BID: variants seen among roughly 807,000 people sequenced by gnomAD.
The protein encoded by BID is BH3-interacting domain death agonist.
A neutral mutation model predicts 17.4 loss-of-function variants in BID; 19 were observed. That is an observed-to-expected ratio of 1.09 (90% confidence interval 0.76 to 1.60). The LOEUF (loss-of-function observed/expected upper bound fraction) is 1.60, where lower values mean the gene tolerates loss of function less well. Ranked by LOEUF, BID falls within the 40% of genes most tolerant of loss-of-function variation. The probability of loss-of-function intolerance (pLI) is 0.00; values close to 1 mark genes in which losing one functional copy is unlikely to be tolerated. For missense variants in BID, 226 were observed against 256.0 expected (o/e 0.88, Z 0.80); for synonymous variants, 108 against 102.8 (o/e 1.05, Z -0.31).
At chr22:17,746,631 A>G (rs1440199459) in intron 2 of BID, among the ~76,000 whole-genome samples, 1 of 152,218 alleles carries the variant, frequency 6.6e-6, no homozygotes, top group Non-Finnish European at 1.5e-5. Flanking sequence ...ATTTGAAAAT[A>G]AGGTTTTTAC....
At chr22:17,740,251 A>G in intron 3 of BID, 1 of 1,324,870 alleles carries the variant, frequency 7.5e-7, no homozygotes, top group Non-Finnish European at 1.1e-6. Context: ...CCCAGCACTT[A>G]ATACATGGCA....
At chr22:17,772,363 C>T (rs1017453313) in intron 1 of BID, among the ~76,000 whole-genome samples, 9 of 152,198 alleles carry the variant, frequency 5.9e-5, no homozygotes, top group African/African-American at 1.9e-4. Context: ...CAGCTGCTCT[C>T]GGGGACACTC....
chr22:17,767,778 C>T (rs1483652007), intron 1 of BID, among the ~76,000 whole-genome samples: 1 of 152,078 alleles, frequency 6.6e-6, no homozygotes, highest in Non-Finnish European at 1.5e-5. Context: ...AAACAGCGTC[C>T]GCGAAGTGAA....
At chr22:17,739,934 G>A (rs567189281) in intron 3 of BID, 28 of 807,400 alleles carry the variant, frequency 3.5e-5, no homozygotes, top group Middle Eastern at 3.6e-4. Context: ...CCCATTCCTC[G>A]CAGTCCCGTC....
intron 1 of BID, among the ~76,000 whole-genome samples, chr22:17,755,333 C>T (rs770785807): frequency 1.6e-4 from 24 of 152,130 alleles, no homozygotes; most frequent in Non-Finnish European, 3.2e-4. Flanking sequence ...AAGGAAAGCT[C>T]CAACCCGGAA....
chr22:17,737,029 ACTC>A (rs1447213486), intron 5 of BID, among the ~76,000 whole-genome samples: 1 of 151,042 alleles, frequency 6.6e-6, no homozygotes, highest in East Asian at 1.9e-4. Context: ...CTGGTCTTGA[ACTC>A]CTGACTTCAT....
At chr22:17,743,042 G>A (rs2061472011) in intron 3 of BID, among the ~76,000 whole-genome samples, 1 of 152,260 alleles carries the variant, frequency 6.6e-6, no homozygotes, top group South Asian at 2.1e-4. Context: ...AAGGGGCCTG[G>A]CCCCATGTCC....
chr22:17,739,837 G>A (rs2061446179), intron 3 of BID: 1 of 598,636 alleles, frequency 1.7e-6, no homozygotes, highest in Non-Finnish European at 3.0e-6. Flanking sequence ...CAACAGGGTT[G>A]GCCTTGGCCT....
intron 5 of BID, among the ~76,000 whole-genome samples, chr22:17,736,932 T>G (rs1294188705): frequency 1.3e-5 from 2 of 151,796 alleles, no homozygotes; most frequent in African/African-American, 2.4e-5. Flanking sequence ...GCCTCCTGAG[T>G]AGCTGGGATT....
intron 3 of BID, chr22:17,740,499 G>C (rs1021915150): frequency 1.2e-5 from 3 of 251,268 alleles, no homozygotes; most frequent in Admixed American, 9.4e-5. Flanking sequence ...GCGCGATCTC[G>C]GCTCACTGCA....
intron 1 of BID, among the ~76,000 whole-genome samples, chr22:17,770,921 G>A (rs566240145): frequency 1.3e-5 from 2 of 152,228 alleles, no homozygotes; most frequent in East Asian, 1.9e-4. Context: ...CTGGTGATCC[G>A]GACCCGGAGC....
In BID at chr22:17,744,049, A is replaced by T. The variant is rs759103109; in HGVS notation, c.13-36T>A. 4 of 1,576,496 alleles carry T rather than the reference A, an allele frequency of 2.5e-6. No individual in the cohort carries two copies. In the South Asian group the frequency reaches 4.5e-5, roughly 18 times the overall value. ...AGGGGAGTCAGGAAGCCGGGACTTC[A>T]GCCAGGCCAGAGGCCCCTCCTGCAA... On this transcript the variant is annotated intron_variant, in intron 2 of 5. Transcript: ENST00000622694.
At chr22:17,765,869 C>G (rs1357187847) in intron 1 of BID, among the ~76,000 whole-genome samples, 1 of 152,158 alleles carries the variant, frequency 6.6e-6, no homozygotes, top group African/African-American at 2.4e-5. Flanking sequence ...CTTTTTAAAA[C>G]CCAAATTATT....
intron 1 of BID, among the ~76,000 whole-genome samples, chr22:17,750,720 C>T (rs866040560): frequency 6.6e-6 from 1 of 151,680 alleles, no homozygotes; most frequent in African/African-American, 2.4e-5. Context: ...CCCAGCTACT[C>T]GGGAGGCTGA....
rs2061408156 is a variant in BID at position 17,734,773 on chromosome 22, C to T, written c.*807G>A. The T allele has an allele frequency of 6.6e-6, 1 of 152,194 alleles. No individual in the cohort carries two copies. The highest frequency in any genetic ancestry group is 2.4e-5 in the African/African-American group (1 of 41,446). The allele number at this position is 152,194 out of a possible 1,614,324, so 9.4% of individuals were successfully genotyped here. On this transcript the variant is annotated 3_prime_UTR_variant, in exon 6 of 6. Coordinates refer to ENST00000622694, the MANE Select transcript of BID (RefSeq NM_001196.4). Reference sequence around the variant, plus strand: ...CGGGGCATCGCAGTAGCTTCTGGCACCCGTGGCTTCATGTCTTTAGCAAAG... The same window carrying T: ...CGGGGCATCGCAGTAGCTTCTGGCATCCGTGGCTTCATGTCTTTAGCAAAG...
At chr22:17,742,373 C>G (rs1348140273) in intron 3 of BID, among the ~76,000 whole-genome samples, 1 of 152,232 alleles carries the variant, frequency 6.6e-6, no homozygotes, top group Non-Finnish European at 1.5e-5. Flanking sequence ...CCTGCCCTTC[C>G]TGGACCTTCC....
chr22:17,745,368 A>T (rs1226202118), intron 2 of BID, among the ~76,000 whole-genome samples: 3 of 152,096 alleles, frequency 2.0e-5, no homozygotes, highest in African/African-American at 7.2e-5. Context: ...TGCACCCAGC[A>T]GCAAATTGTT....
Position 17,735,322 on chromosome 22 carries a change from T to TGG in BID, c.*257_*258insCC. 2.1e-6 allele frequency: 1 copy of TGG among 470,250 alleles called. No homozygotes were observed. The highest frequency in any genetic ancestry group is 3.3e-5 in the South Asian group (1 of 30,340). 29.1% of individuals were successfully genotyped at this position (470,250 alleles called of 1,614,324 possible). ...AAGGCACCGTGTGTAGATTTACAGA[T>TGG]GTGCAGATTCATGTGTGGATGATAT... On this transcript the variant is annotated 3_prime_UTR_variant, in exon 6 of 6. Transcript: ENST00000622694.
At chr22:17,760,653 G>A (rs947977510) in intron 1 of BID, among the ~76,000 whole-genome samples, 12 of 151,980 alleles carry the variant, frequency 7.9e-5, no homozygotes, top group African/African-American at 1.4e-4. Context: ...TGCAGGACTC[G>A]GAGCCAGCTT....
Sources: allele counts gnomAD v4.1 joint callset (sites outside exome capture counted in the v4.1 genomes callset), GRCh38; gene constraint gnomAD v4.1.1; transcripts MANE v1.5; gene names NCBI Gene and HGNC (gene_info 2026-07-23, HGNC 2026-07-21).